The following UCHL1 variants were observed in gnomAD, a reference collection of about 807,000 sequenced individuals.
UCHL1 encodes ubiquitin C-terminal hydrolase L1.
In UCHL1, 5 loss-of-function variants were observed where a neutral mutation model predicts 33.3. The ratio of observed to expected loss-of-function variants is 0.15; its 90% CI spans 0.08 to 0.32. UCHL1 has a LOEUF of 0.32. Ranked by LOEUF, UCHL1 falls within the 10% of genes least tolerant of loss-of-function variation. The probability of loss-of-function intolerance (pLI) is 1.00; values close to 1 mark genes in which losing one functional copy is unlikely to be tolerated. For synonymous variants in UCHL1, 132 were observed against 108.8 expected (o/e 1.21, Z -1.33); for missense variants, 236 against 280.0 (o/e 0.84, Z 1.12).
In UCHL1 at chr4:41,261,705, T is replaced by TC; in HGVS notation, c.326-10_326-9insC. 1 of 1,611,198 alleles carries TC rather than the reference T, an allele frequency of 6.2e-7. No homozygotes were observed. Among genetic ancestry groups the TC allele is most frequent in the East Asian group, 2.2e-5 (1 of 44,880 alleles). Reference sequence around the variant, plus strand: ...TTTACCTATACTAACACATCCATTTTTTTTTTAAGAGGATGGATCAGTTCT... The same window carrying TC: ...TTTACCTATACTAACACATCCATTTTCTTTTTTAAGAGGATGGATCAGTTCT... On this transcript the variant is annotated splice_polypyrimidine_tract_variant and intron_variant, in intron 4 of 8. Coordinates refer to ENST00000284440, the MANE Select transcript of UCHL1 (RefSeq NM_004181.5).
chr4:41,266,586 G>T (rs1404102640), intron 8 of UCHL1, among the ~76,000 whole-genome samples: 1 of 152,080 alleles, frequency 6.6e-6, no homozygotes, highest in Non-Finnish European at 1.5e-5. Context: ...TAAAAAACTT[G>T]GTAGAGGATA....
Position 41,257,920 on chromosome 4 carries a change from G to A in UCHL1, c.174+183G>A, listed in dbSNP as rs7658776. ...CTGGGCTCCTGTTCCAGCGGTGCCT[G>A]TCGCCTTCTTGCCCATCCGTCCACA... On this transcript the variant is annotated intron_variant, in intron 3 of 8. Coordinates refer to ENST00000284440, the MANE Select transcript of UCHL1 (RefSeq NM_004181.5). Among the ~76,000 whole-genome samples, 4,289 of 152,310 alleles carry A rather than the reference G, an allele frequency of 0.028. 196 individuals are homozygous for A. Among genetic ancestry groups the A allele is most frequent in the African/African-American group, 0.097 (4,020 of 41,560 alleles).
At chr4:41,263,988 T>G in intron 7 of UCHL1, 115 bp from the exon 8 acceptor site, 1 of 1,352,214 alleles carries the variant, frequency 7.4e-7, no homozygotes. Context: ...CAGGCTTCCT[T>G]CTGTGGGTTT....
rs1255382544 is a variant in UCHL1, at chr4:41,268,186, G to C, written c.*113G>C. On this transcript the variant is annotated 3_prime_UTR_variant, in exon 9 of 9. Coordinates refer to ENST00000284440, the MANE Select transcript of UCHL1 (RefSeq NM_004181.5). ...ACTTGTGAAACACAGCTGTTCTTCT[G>C]TTCTGCAGACACGCCTTCCCCTCAG... is the stretch of plus-strand genomic sequence containing the variant. 2 of 1,053,026 alleles carry C rather than the reference G, an allele frequency of 1.9e-6. No individual in the cohort carries two copies. The highest frequency in any genetic ancestry group is 2.9e-6 in the Non-Finnish European group (2 of 699,848). 65.2% of individuals were successfully genotyped at this position (1,053,026 alleles called of 1,614,324 possible).
At chr4:41,262,014 A>G in intron 6 of UCHL1, 91 bp downstream of exon 6, 1 of 1,540,978 alleles carries the variant, frequency 6.5e-7, no homozygotes, top group Non-Finnish European at 8.8e-7. Context: ...GGAACACAGC[A>G]AATGTTATCC....
chr4:41,260,826 C>G, intron 4 of UCHL1, 29 bp downstream of exon 4: 1 of 1,614,040 alleles, frequency 6.2e-7, no homozygotes, highest in Non-Finnish European at 8.5e-7. Flanking sequence ...GCCAGCCATC[C>G]TAAGCTTGAA....
intron 3 of UCHL1, 141 bp from the exon 4 acceptor site, chr4:41,260,506 T>C (rs1330316307): frequency 9.5e-7 from 1 of 1,050,570 alleles, no homozygotes; most frequent in Non-Finnish European, 1.4e-6. Context: ...GGCCCTTCTC[T>C]GGGAGTCAGC....
intron 6 of UCHL1, 102 bp downstream of exon 6, chr4:41,262,025 A>T: frequency 6.7e-7 from 1 of 1,498,054 alleles, no homozygotes; most frequent in Non-Finnish European, 9.1e-7. Context: ...AATGTTATCC[A>T]CCCAAGGCCA....
intron 7 of UCHL1, among the ~76,000 whole-genome samples, chr4:41,263,741 C>T (rs1781109804): frequency 6.6e-6 from 1 of 152,246 alleles, no homozygotes; most frequent in African/African-American, 2.4e-5. Context: ...AGGCAATCTA[C>T]AGTCATTGGA....
chr4:41,263,904 A>T (rs17528160), intron 7 of UCHL1, among the ~76,000 whole-genome samples, 199 bp from the exon 8 acceptor site: 1 of 152,098 alleles, frequency 6.6e-6, no homozygotes, highest in African/African-American at 2.4e-5. Flanking sequence ...GATCTTGTCA[A>T]TTGTAGACTA....
chr4:41,266,465 C>T (rs921378026), intron 8 of UCHL1, among the ~76,000 whole-genome samples: 1 of 152,028 alleles, frequency 6.6e-6, no homozygotes, highest in Non-Finnish European at 1.5e-5. Context: ...CACGTTAGCT[C>T]TATAGAAGAT....
At position 41,260,738 on chromosome 4, in the gene UCHL1, C is replaced by G; in HGVS notation, c.266C>G (p.Ser89Cys). 1.2e-6 allele frequency: 2 copies of G among 1,614,186 alleles called. No individual in the cohort carries two copies. Among genetic ancestry groups the G allele is most frequent in the Non-Finnish European group, 1.7e-6 (2 of 1,180,038 alleles). ...VYFMKQTIGN[S>C]CGTIGLIHAV... ...TTCATGAAGCAGACCATTGGGAATT[C>G]CTGTGGCACAATCGGACTTATTCAC... is the stretch of plus-strand genomic sequence containing the variant. Residue 89 changes from serine (S) to cysteine (C), a missense_variant, in exon 4 of 9, where the codon TCC becomes TGC. Coordinates refer to ENST00000284440, the MANE Select transcript of UCHL1 (RefSeq NM_004181.5).
chr4:41,267,965 T>C (rs1259549410), intron 8 of UCHL1, 22 bp from the exon 9 acceptor site: 2 of 1,608,452 alleles, frequency 1.2e-6, no homozygotes, highest in East Asian at 4.5e-5. Flanking sequence ...GTTTGGATTT[T>C]AATGACATTT....
chr4:41,261,587 C>T, intron 4 of UCHL1, 128 bp from the exon 5 acceptor site: 1 of 994,454 alleles, frequency 1.0e-6, no homozygotes, highest in South Asian at 1.4e-5. Context: ...TACAGCTCAT[C>T]CACAACCCTG....
In UCHL1 at chr4:41,268,212, CCA is replaced by C. The variant is rs1306849696; in HGVS notation, c.*143_*144del. 1 of 815,140 alleles carries C rather than the reference CCA, an allele frequency of 1.2e-6. No individual in the cohort carries two copies. The highest frequency in any genetic ancestry group is 2.0e-6 in the Non-Finnish European group (1 of 492,536). The allele number at this position is 815,140 out of a possible 1,614,324, so 50.5% of individuals were successfully genotyped here. A position where few individuals can be genotyped will look rare whatever the true frequency, so the allele number is the denominator to read the frequency against. On this transcript the variant is annotated 3_prime_UTR_variant, in exon 9 of 9. Coordinates refer to ENST00000284440, the MANE Select transcript of UCHL1 (RefSeq NM_004181.5). Reference sequence around the variant, plus strand: ...TTCTGCAGACACGCCTTCCCCTCAGCCACACCCAGGCACTTAAGCACAAGCAG... The same window carrying C: ...TTCTGCAGACACGCCTTCCCCTCAGCCACCCAGGCACTTAAGCACAAGCAG...
chr4:41,263,356 T>C, intron 7 of UCHL1, 65 bp downstream of exon 7: 2 of 1,452,868 alleles, frequency 1.4e-6, no homozygotes, highest in Non-Finnish European at 1.9e-6. Flanking sequence ...TGAATTTCTC[T>C]TGATATATTG....
chr4:41,257,193 G>A, intron 2 of UCHL1, 67 bp downstream of exon 2: 1 of 1,609,824 alleles, frequency 6.2e-7, no homozygotes, highest in Non-Finnish European at 8.5e-7. Context: ...GCGCCCACCG[G>A]TTCCGGCTGC....
intron 4 of UCHL1, among the ~76,000 whole-genome samples, chr4:41,261,481 C>G (rs900267211): frequency 1.3e-5 from 2 of 152,040 alleles, no homozygotes; most frequent in Non-Finnish European, 2.9e-5. Flanking sequence ...GGAACAGAGG[C>G]AAGAAAGAGC....
intron 3 of UCHL1, among the ~76,000 whole-genome samples, chr4:41,258,745 C>T (rs1000815265): frequency 1.3e-5 from 2 of 152,188 alleles, no homozygotes; most frequent in African/African-American, 2.4e-5. Context: ...TGGGAAGTTC[C>T]AAGCCTTCCT....
Sources: gnomAD v4.1 joint callset for allele counts (sites outside exome capture counted in the v4.1 genomes callset) on GRCh38, gnomAD v4.1.1 for gene constraint, MANE v1.5 for transcripts, NCBI Gene and HGNC (gene_info 2026-07-23, HGNC 2026-07-21) for gene names.